The following CHEK1 variants were observed in gnomAD, a reference collection of about 807,000 sequenced individuals.
CHEK1 encodes serine/threonine-protein kinase Chk1.
A neutral mutation model predicts 60.2 loss-of-function variants in CHEK1; 32 were observed. That is an observed-to-expected ratio of 0.53 (90% confidence interval 0.40 to 0.71). CHEK1 has a LOEUF of 0.71. Ranked by LOEUF, CHEK1 falls within the 30% of genes least tolerant of loss-of-function variation. The pLI, the probability that CHEK1 is intolerant of heterozygous loss-of-function variation, is 0.00. For synonymous variants in CHEK1, 179 were observed against 187.2 expected, an observed-to-expected ratio of 0.96 and a Z score of 0.36; for missense variants, 399 against 564.6, an observed-to-expected ratio of 0.71 and a Z score of 2.97.
chr11:125,643,647 G>A (rs1453626526), intron 8 of CHEK1, 145 bp from the exon 9 acceptor site: 2 of 590,614 alleles, frequency 3.4e-6, no homozygotes, highest in Non-Finnish European at 2.9e-6. Flanking sequence ...CATATAGGAA[G>A]ACTTTGTTTT....
rs535108562 is a variant in CHEK1, at chr11:125,662,918, G to A, written c.*27+7571G>A. Among the ~76,000 whole-genome samples the A allele has an allele frequency of 2.0e-3, 302 of 152,162 alleles. 1 individual carries two copies. Among genetic ancestry groups the A allele is most frequent in the African/African-American group, 7.0e-3 (289 of 41,540 alleles). ...TTTTTTGTTTTAGCCATTCTGATAG[G>A]TATGTAGTAATATCTCATTGTGAGT... On this transcript the variant is annotated intron_variant, in intron 13 of 13. Coordinates refer to the CHEK1 transcript ENST00000428830.
downstream of CHEK1, chr11:125,676,435 T>G (rs761249987): frequency 5.6e-6 from 9 of 1,614,026 alleles, no homozygotes; most frequent in East Asian, 2.0e-4. Context: ...GACATTTTCC[T>G]TGATCATTCA....
In CHEK1 at chr11:125,643,838, C is replaced by T. The variant is rs773258168; in HGVS notation, c.861C>T (p.Pro287=). ...RVTSGGVSES[P]SGFSKHIQSN... is the part of the protein sequence containing the mutation. ...CTTCAGGTGGTGTGTCAGAGTCTCC[C>T]AGTGGATTTTCTAAGCACATTCAAT... Residue 287 remains proline, a synonymous_variant, in exon 9 of 13, where the codon CCC becomes CCT. Transcript: ENST00000438015. The T allele has an allele frequency of 2.5e-6, 4 of 1,614,116 alleles. No individual in the cohort carries two copies.
intron 7 of CHEK1, among the ~76,000 whole-genome samples, 179 bp from the exon 8 acceptor site, chr11:125,637,270 C>G (rs1169204124): frequency 6.6e-6 from 1 of 152,118 alleles, no homozygotes; most frequent in Non-Finnish European, 1.5e-5. Flanking sequence ...CTCCAAGATA[C>G]AGCAGCAGAG....
intron 11 of CHEK1, among the ~76,000 whole-genome samples, chr11:125,649,210 A>G (rs1401745265): frequency 6.6e-6 from 1 of 152,012 alleles, no homozygotes; most frequent in Non-Finnish European, 1.5e-5. Context: ...GAGTCTCACT[A>G]TGTTGCCTAG....
downstream of CHEK1, chr11:125,676,423 A>G (rs1942511067): frequency 6.2e-7 from 1 of 1,614,046 alleles, no homozygotes. Flanking sequence ...CCTCTCCACG[A>G]AGACATTTTC....
At chr11:125,677,524 A>G (rs113180267), downstream of CHEK1, among the ~76,000 whole-genome samples, 17 of 152,288 alleles carry the variant, frequency 1.1e-4, no homozygotes, top group African/African-American at 4.1e-4. Context: ...CTGTGTATTC[A>G]TAATTTCTTA....
intron 13 of CHEK1, among the ~76,000 whole-genome samples, chr11:125,668,491 T>A (rs1434634541): frequency 6.6e-6 from 1 of 152,164 alleles, no homozygotes; most frequent in East Asian, 1.9e-4. Flanking sequence ...CACCTAATTG[T>A]TGGGGGTTTT....
chr11:125,676,180 T>C, exon 14 of CHEK1: 1 of 734,696 alleles, frequency 1.4e-6, no homozygotes, highest in East Asian at 2.9e-5. Flanking sequence ...AGTGCTGGGA[T>C]TTTAGGTGTG....
rs556405813 is a variant in CHEK1, at chr11:125,625,996, G to A, written c.-37G>A. 1.9e-3 allele frequency: 1,322 copies of A among 702,294 alleles called. 2 individuals carry two copies. The highest frequency in any genetic ancestry group is 2.5e-3 in the Non-Finnish European group (960 of 384,828). The allele number at this position is 702,294 out of a possible 1,614,324, so 43.5% of individuals were successfully genotyped here. On this transcript the variant is annotated 5_prime_UTR_variant, in exon 1 of 13. The change creates a premature stop within an existing upstream ORF in the 5' untranslated region. Transcript: ENST00000438015. ...GCTGCATTTGGATTCCTGCAGTGGTGGGCAAAGGACAGTCCGGTGAGGAAG... is the reference window on the plus strand; with the variant it reads ...GCTGCATTTGGATTCCTGCAGTGGTAGGCAAAGGACAGTCCGGTGAGGAAG...
chr11:125,678,274 G>T (rs778442156), downstream of CHEK1: 27 of 1,613,978 alleles, frequency 1.7e-5, no homozygotes, highest in East Asian at 1.3e-4. Flanking sequence ...GAGCCAGAAA[G>T]CTCATTAGGC....
intron 8 of CHEK1, among the ~76,000 whole-genome samples, chr11:125,641,427 A>G (rs746894556): frequency 3.9e-5 from 6 of 151,960 alleles, no homozygotes; most frequent in Admixed American, 3.3e-4. Flanking sequence ...TCCATTAGTG[A>G]TATTACTTGG....
intron 11 of CHEK1, among the ~76,000 whole-genome samples, chr11:125,651,551 G>A (rs552307176): frequency 6.6e-6 from 1 of 152,194 alleles, no homozygotes; most frequent in South Asian, 2.1e-4. Flanking sequence ...GCCTCCCCAA[G>A]TGTTGGGATT....
intron 13 of CHEK1, among the ~76,000 whole-genome samples, chr11:125,664,110 A>G (rs536574060): frequency 2.6e-5 from 4 of 152,132 alleles, no homozygotes; most frequent in Non-Finnish European, 4.4e-5. Flanking sequence ...GCCTTGCAGT[A>G]TAGTTTGAAG....
At chr11:125,648,738 G>T (rs1941601148) in intron 11 of CHEK1, among the ~76,000 whole-genome samples, 1 of 150,404 alleles carries the variant, frequency 6.6e-6, no homozygotes, top group Non-Finnish European at 1.5e-5. Context: ...TCTTTGTCTT[G>T]TTCTTGATCT....
Position 125,649,262 on chromosome 11 carries a change from A to G in CHEK1, c.1234-4484A>G, listed in dbSNP as rs370827474. On this transcript the variant is annotated intron_variant, in intron 11 of 12. Transcript: ENST00000438015. ...TACTTAAAGGCACGATCATAGTGCA[A>G]TGCAGCCTCAAATTCCTGGGCTCAA... 2.2e-4 allele frequency among the ~76,000 whole-genome samples: 34 copies of G among 152,204 alleles called. No individual in the cohort carries two copies. In the South Asian group the frequency reaches 2.7e-3, roughly 12 times the overall value.
At chr11:125,657,187 T>TTG (rs3831425), downstream of CHEK1, 59,355 of 146,994 alleles carry the variant, frequency 0.4, 12,274 homozygotes, top group Admixed American at 0.52. Flanking sequence ...CAACCTATGC[T>TTG]TGTGTGTGTG....
At chr11:125,629,353 A>G (rs1442939153) in intron 4 of CHEK1, 38 bp from the exon 5 acceptor site, 16 of 1,611,984 alleles carry the variant, frequency 9.9e-6, no homozygotes, top group Admixed American at 1.7e-5. Flanking sequence ...ACATTACATT[A>G]CCAAATTCTA....
At chr11:125,642,662 T>G (rs1006402114) in intron 8 of CHEK1, among the ~76,000 whole-genome samples, 5 of 152,000 alleles carry the variant, frequency 3.3e-5, no homozygotes, top group African/African-American at 7.3e-5. Flanking sequence ...TAACAGAGGA[T>G]CAAGATCCCT....
Sources: allele counts gnomAD v4.1 joint callset (sites outside exome capture counted in the v4.1 genomes callset), GRCh38; gene constraint gnomAD v4.1.1; transcripts MANE v1.5; gene names NCBI Gene and HGNC (gene_info 2026-07-23, HGNC 2026-07-21).